RAB27B: variants seen among roughly 807,000 people sequenced by gnomAD.
The protein encoded by RAB27B is ras-related protein Rab-27B.
Under a neutral mutation model 24.6 loss-of-function variants are expected in RAB27B, and 15 were observed. The observed-to-expected ratio is 0.61, with a 90% CI of 0.41 to 0.94. The LOEUF is 0.94. Ranked by LOEUF, RAB27B falls within the 40% of genes least tolerant of loss-of-function variation. The pLI is 0.00. For synonymous variants in RAB27B, 105 were observed against 92.5 expected (o/e 1.14, Z -0.78); for missense variants, 261 against 266.8 (o/e 0.98, Z 0.15).
chr18:54,882,879 CTATGGGAAGA>C (rs1653905294), intron 3 of RAB27B, among the ~76,000 whole-genome samples: 3 of 152,018 alleles, frequency 2.0e-5, no homozygotes, highest in African/African-American at 7.2e-5. Flanking sequence ...TTGATATAAT[CTATGGGAAGA>C]AATGGAGTGG....
intron 1 of RAB27B, among the ~76,000 whole-genome samples, chr18:54,850,516 G>A (rs1472084173): frequency 6.6e-6 from 1 of 150,768 alleles, no homozygotes; most frequent in Non-Finnish European, 1.5e-5. Flanking sequence ...ACAGGTGTAT[G>A]CCAGCATGCC....
At chr18:54,838,534 C>G (rs1910983979) in intron 1 of RAB27B, among the ~76,000 whole-genome samples, 1 of 152,132 alleles carries the variant, frequency 6.6e-6, no homozygotes, top group Non-Finnish European at 1.5e-5. Context: ...TATTGTATGC[C>G]TACTTGTTCG....
chr18:54,860,760 A>T lies in RAB27B; in HGVS notation c.-19-16807A>T, dbSNP rs78107816. ...ACAGAAGGAAAGTTCCAAGTCAGAG[A>T]TTTTTATTTCTATAGGCATCTATGT... On this transcript the variant is annotated intron_variant, in intron 1 of 5. Transcript: ENST00000262094. Among the ~76,000 whole-genome samples the T allele has an allele frequency of 1.6e-4, 24 of 152,336 alleles. No individual in the cohort carries two copies. In the East Asian group the frequency reaches 4.6e-3, roughly 29 times the overall value.
chr18:54,813,725 G>A lies in RAB27B; in HGVS notation c.-19-63842G>A, dbSNP rs145177684. ...ACCCAGTCTCTGGTATTCGTTTACAGCAACATAAACAGACTAACACAGGAA... is the reference window on the plus strand; with the variant it reads ...ACCCAGTCTCTGGTATTCGTTTACAACAACATAAACAGACTAACACAGGAA... On this transcript the variant is annotated intron_variant, in intron 2 of 4. Transcript: ENST00000586570. 5.0e-4 allele frequency among the ~76,000 whole-genome samples: 76 copies of A among 152,310 alleles called. No homozygotes were observed. In the East Asian group the frequency reaches 0.014, roughly 29 times the overall value.
At chr18:54,751,680 T>C (rs530650668) in intron 2 of RAB27B, among the ~76,000 whole-genome samples, 74 of 152,140 alleles carry the variant, frequency 4.9e-4, no homozygotes, top group Non-Finnish European at 9.6e-4. Flanking sequence ...TCTCTGAGAA[T>C]ACACAAAGTA....
chr18:54,767,576 G>A (rs1908403816), intron 2 of RAB27B, among the ~76,000 whole-genome samples: 2 of 152,132 alleles, frequency 1.3e-5, no homozygotes, highest in Non-Finnish European at 2.9e-5. Flanking sequence ...GAAAATCACT[G>A]CCCTTTTGTG....
chr18:54,822,015 A>T (rs181106233), intron 2 of RAB27B, among the ~76,000 whole-genome samples: 5 of 152,296 alleles, frequency 3.3e-5, no homozygotes, highest in African/African-American at 9.6e-5. Flanking sequence ...GACCTCCCAA[A>T]GTGCTGGGAT....
intron 1 of RAB27B, among the ~76,000 whole-genome samples, chr18:54,849,242 C>T (rs989220080): frequency 1.5e-4 from 23 of 152,168 alleles, no homozygotes; most frequent in Admixed American, 1.1e-3. Context: ...ACTCCCACAC[C>T]GACATTGGTT....
chr18:54,869,406 T>C (rs1338601369), intron 1 of RAB27B, among the ~76,000 whole-genome samples: 1 of 152,248 alleles, frequency 6.6e-6, no homozygotes, highest in African/African-American at 2.4e-5. Context: ...TAAAACATTA[T>C]TGACAAGTGT....
chr18:54,744,411 T>A lies in RAB27B; in HGVS notation c.-20+26270T>A, dbSNP rs374078819. On this transcript the variant is annotated intron_variant, in intron 2 of 4. Transcript: ENST00000586570. The stretch of plus-strand genomic sequence containing the variant: ...GACAATAGGTGACTATATCTCATCA[T>A]TAGCAATCTAGACCCAACAGCTTGT... Among the ~76,000 whole-genome samples the A allele has an allele frequency of 3.3e-5, 5 of 152,224 alleles. No homozygotes were observed. The East Asian group carries it at 7.7e-4, about 23-fold the overall frequency.
At chr18:54,753,198 A>G (rs1018543436) in intron 2 of RAB27B, among the ~76,000 whole-genome samples, 1 of 152,120 alleles carries the variant, frequency 6.6e-6, no homozygotes, top group Non-Finnish European at 1.5e-5. Flanking sequence ...GATTAAAGGG[A>G]TCATTTAAAA....
At chr18:54,831,815 T>G (rs1230344050) in intron 1 of RAB27B, among the ~76,000 whole-genome samples, 1 of 152,016 alleles carries the variant, frequency 6.6e-6, no homozygotes, top group Non-Finnish European at 1.5e-5. Context: ...CTTGCTCTGT[T>G]GGCAGGCTGG....
At chr18:54,786,848 A>C (rs1329657054) in intron 2 of RAB27B, among the ~76,000 whole-genome samples, 1 of 152,254 alleles carries the variant, frequency 6.6e-6, no homozygotes, top group Non-Finnish European at 1.5e-5. Flanking sequence ...TAAGCTATTA[A>C]GCGATAAACA....
intron 2 of RAB27B, among the ~76,000 whole-genome samples, chr18:54,741,599 T>C (rs923107901): frequency 1.3e-5 from 2 of 152,114 alleles, no homozygotes; most frequent in African/African-American, 2.4e-5. Context: ...GCTCAAGCCA[T>C]CCTCCCACCC....
chr18:54,853,224 T>G (rs1393794097), intron 1 of RAB27B, among the ~76,000 whole-genome samples: 2 of 152,218 alleles, frequency 1.3e-5, no homozygotes, highest in African/African-American at 2.4e-5. Flanking sequence ...AGGGCACAAT[T>G]ATGAGTCAGA....
chr18:54,758,635 T>TAAAAAAAAAAA (rs58044123), intron 2 of RAB27B, among the ~76,000 whole-genome samples: 1 of 141,672 alleles, frequency 7.1e-6, no homozygotes, highest in Non-Finnish European at 1.5e-5. Flanking sequence ...CAAAAACAAT[T>TAAAAAAAAAAA]AAAAAAAAAA....
intron 1 of RAB27B, among the ~76,000 whole-genome samples, chr18:54,853,592 G>C (rs1911668702): frequency 6.6e-6 from 1 of 152,148 alleles, no homozygotes; most frequent in Non-Finnish European, 1.5e-5. Flanking sequence ...TGGAAACTAG[G>C]TTAACTACTT....
intron 1 of RAB27B, among the ~76,000 whole-genome samples, chr18:54,834,673 G>GTA (rs371155382): frequency 0.33 from 47,133 of 141,256 alleles, 7,749 homozygotes; most frequent in South Asian, 0.47. Context: ...GTGCATAAGT[G>GTA]TATATATATG....
intron 1 of RAB27B, among the ~76,000 whole-genome samples, chr18:54,861,205 G>C (rs1417619688): frequency 2.0e-5 from 3 of 152,126 alleles, no homozygotes; most frequent in Non-Finnish European, 4.4e-5. Context: ...CAGCCAGCTA[G>C]AAAATGAACC....
Sources: gnomAD v4.1 joint callset for allele counts (sites outside exome capture counted in the v4.1 genomes callset) on GRCh38, gnomAD v4.1.1 for gene constraint, MANE v1.5 for transcripts, NCBI Gene and HGNC (gene_info 2026-07-23, HGNC 2026-07-21) for gene names.